TFCP2: variants seen among roughly 807,000 people sequenced by gnomAD.
The protein encoded by TFCP2 is alpha-globin transcription factor CP2.
In TFCP2, 33 loss-of-function variants were observed where a neutral mutation model predicts 73.4. That is an observed-to-expected ratio of 0.45 (90% CI 0.34 to 0.60). The LOEUF is 0.60. Ranked by LOEUF, TFCP2 falls within the 20% of genes least tolerant of loss-of-function variation. The pLI is 0.01. For synonymous variants in TFCP2, 193 were observed against 211.6 expected (o/e 0.91, Z 0.76); for missense variants, 352 against 604.0 (o/e 0.58, Z 4.37).
chr12:51,113,252 T>C (rs1258051515), intron 4 of TFCP2, among the ~76,000 whole-genome samples: 1 of 152,186 alleles, frequency 6.6e-6, no homozygotes, highest in Non-Finnish European at 1.5e-5. Context: ...TCAGGTAAAA[T>C]TAGTAGCAGT....
At chr12:51,109,024 C>CA (rs1439375027) in intron 6 of TFCP2, 97 bp downstream of exon 6, 11 of 1,418,388 alleles carry the variant, frequency 7.8e-6, no homozygotes, top group Non-Finnish European at 9.7e-6. Context: ...TGTGAGTTTT[C>CA]AAAAAAAGAC....
At chr12:51,111,589 C>T (rs1004132380) in intron 4 of TFCP2, among the ~76,000 whole-genome samples, 1 of 152,172 alleles carries the variant, frequency 6.6e-6, no homozygotes, top group Non-Finnish European at 1.5e-5. Flanking sequence ...GGCACGGTGG[C>T]TCACACCTGT....
intron 1 of TFCP2, among the ~76,000 whole-genome samples, chr12:51,119,541 C>T (rs536641988): frequency 1.7e-4 from 25 of 150,028 alleles, no homozygotes; most frequent in African/African-American, 5.6e-4. Flanking sequence ...ACCTGAGGTC[C>T]GGAGGTGGAA....
chr12:51,135,371 G>A (rs1478869868), intron 1 of TFCP2, among the ~76,000 whole-genome samples: 1 of 152,006 alleles, frequency 6.6e-6, no homozygotes, highest in Admixed American at 6.6e-5. Context: ...AGGTTGAGGT[G>A]AGCCGAGATC....
In TFCP2 at chr12:51,106,633, T is replaced by C. The variant is rs778985960; in HGVS notation, c.829-20A>G. The C allele has an allele frequency of 4.4e-6, 7 of 1,603,734 alleles. No individual in the cohort carries two copies. The South Asian group carries it at 4.4e-5, about 10-fold the overall frequency. On this transcript the variant is annotated intron_variant, in intron 7 of 14. Coordinates refer to ENST00000257915, the MANE Select transcript of TFCP2 (RefSeq NM_005653.5). ...AGAACACTAAAAACAAAGGATAAGTTAGATAATGAACGAGCACATATGACC... is the reference window on the plus strand; with the variant it reads ...AGAACACTAAAAACAAAGGATAAGTCAGATAATGAACGAGCACATATGACC...
At chr12:51,164,515 T>C (rs1675118969) in intron 1 of TFCP2, among the ~76,000 whole-genome samples, 1 of 150,650 alleles carries the variant, frequency 6.6e-6, no homozygotes, top group African/African-American at 2.4e-5. Flanking sequence ...GAGAATTGCT[T>C]GAACCTGGGA....
chr12:51,096,089 T>C, intron 13 of TFCP2, 49 bp from the exon 14 acceptor site: 1 of 1,506,228 alleles, frequency 6.6e-7, no homozygotes, highest in Non-Finnish European at 9.2e-7. Flanking sequence ...AAACAACCCC[T>C]TTATATTCCT....
At chr12:51,104,074 G>T in intron 9 of TFCP2, 81 bp downstream of exon 9, 1 of 1,329,216 alleles carries the variant, frequency 7.5e-7, no homozygotes, top group South Asian at 1.2e-5. Flanking sequence ...CTCCCTAAAA[G>T]TTGGGCATTT....
At chr12:51,145,200 C>CA (rs55642619) in intron 1 of TFCP2, among the ~76,000 whole-genome samples, 89 of 110,044 alleles carry the variant, frequency 8.1e-4, no homozygotes, top group African/African-American at 2.6e-3. Context: ...GACTTCATCT[C>CA]AAAAAAAAAA....
At chr12:51,128,478 T>TAAAAA (rs11324129) in intron 1 of TFCP2, among the ~76,000 whole-genome samples, 12 of 137,288 alleles carry the variant, frequency 8.7e-5, no homozygotes, top group East Asian at 2.1e-4. Flanking sequence ...AGTATAATAA[T>TAAAAA]AAAAAAAAAA....
intron 1 of TFCP2, among the ~76,000 whole-genome samples, chr12:51,127,005 G>A (rs1940832565): frequency 6.6e-6 from 1 of 152,180 alleles, no homozygotes; most frequent in African/African-American, 2.4e-5. Context: ...TTCTGCTACT[G>A]AAAAATCTCA....
rs1941879497 is a variant in TFCP2, at chr12:51,172,375, G to C, written c.48C>G (p.Ser16=). 5 of 1,613,976 alleles carry C rather than the reference G, an allele frequency of 3.1e-6. No individual in the cohort carries two copies. In the Admixed American group the frequency reaches 8.3e-5, roughly 27 times the overall value. The part of the protein sequence containing the change: ...KLPLADEVIE[S]GLVQDFDASL... The stretch of plus-strand genomic sequence containing the variant: ...TAGCATCAAAGTCCTGCACCAACCC[G>C]GATTCAATCACTTCGTCGGCCAGAG... The change falls in exon 1 of 15, where the codon TCC becomes TCG. Residue 16 remains serine, a synonymous_variant. Coordinates refer to ENST00000257915, the MANE Select transcript of TFCP2 (RefSeq NM_005653.5).
rs542038035 is a variant in TFCP2, at chr12:51,158,883, G to A, written c.122+13418C>T. Among the ~76,000 whole-genome samples, 4 of 151,388 alleles carry A rather than the reference G, an allele frequency of 2.6e-5. 1 individual carries two copies. In the South Asian group the frequency reaches 8.4e-4, roughly 32 times the overall value. On this transcript the variant is annotated intron_variant, in intron 1 of 14. Transcript: ENST00000257915. ...AGTCCTTTAAATCTCCTGGACATCG[G>A]CCAGGTGCGGTGGCTCAAGCCTGTA...
intron 1 of TFCP2, chr12:51,124,748 G>A (rs1041650459): frequency 1.3e-6 from 1 of 741,174 alleles, no homozygotes; most frequent in Non-Finnish European, 2.5e-6. Context: ...CAGAGATCAC[G>A]GCTGCCTTTT....
rs904788224 is a variant in TFCP2, at chr12:51,106,543, C to A, written c.899G>T (p.Ser300Ile). 1 of 1,612,530 alleles carries A rather than the reference C, an allele frequency of 6.2e-7. No homozygotes were observed. Among genetic ancestry groups the A allele is most frequent in the East Asian group, 2.2e-5 (1 of 44,836 alleles). ...GACTTACCCTTCCCCAAGAGAAAAA[C>A]TGCTATGGGAACTGTTGAAGCCAGG... ...PSPGFNSSHS[S>I]FSLGEGNGSP... The change falls in exon 8 of 15, where the codon AGT becomes ATT. Residue 300 changes from serine to isoleucine, a missense_variant. By Grantham distance (142) the Ser-to-Ile change is moderately radical (BLOSUM62 -2). Around this residue, in one of 6 missense-constraint regions of TFCP2, gnomAD observed 194 missense variants for 256.3 expected, o/e 0.76. Transcript: ENST00000257915.
intron 1 of TFCP2, among the ~76,000 whole-genome samples, chr12:51,142,189 G>A (rs1344140583): frequency 1.0e-5 from 1 of 99,228 alleles, no homozygotes; most frequent in East Asian, 3.4e-4. Context: ...GGGTGACAGA[G>A]CAAGACTCTG....
chr12:51,111,668 A>G (rs1028261293), intron 4 of TFCP2, among the ~76,000 whole-genome samples: 1 of 151,398 alleles, frequency 6.6e-6, no homozygotes, highest in African/African-American at 2.4e-5. Context: ...AGCCTGACCA[A>G]CATGACGTAA....
chr12:51,124,298 G>A (rs983947619), intron 1 of TFCP2, among the ~76,000 whole-genome samples: 1 of 152,046 alleles, frequency 6.6e-6, no homozygotes, highest in Non-Finnish European at 1.5e-5. Flanking sequence ...GTCTCATCAT[G>A]TTGCTCAGAC....
intron 1 of TFCP2, 58 bp from the exon 2 acceptor site, chr12:51,118,830 T>C (rs775277173): frequency 3.2e-6 from 5 of 1,572,112 alleles, no homozygotes; most frequent in Admixed American, 1.7e-5. Context: ...CGCAGGTTTA[T>C]TGCTGAATGA....
Sources: gnomAD v4.1 joint callset for allele counts (sites outside exome capture counted in the v4.1 genomes callset) on GRCh38, gnomAD v4.1.1 for gene constraint, gnomAD v4.1.1 regional missense constraint, MANE v1.5 for transcripts, NCBI Gene and HGNC (gene_info 2026-07-23, HGNC 2026-07-21) for gene names.